Variants in SOX6 observed in about 807,000 individuals in gnomAD.
SOX6 encodes the protein transcription factor SOX-6.
Under a neutral mutation model 97.8 loss-of-function variants are expected in SOX6, and 11 were observed. The observed-to-expected ratio is 0.11, with a 90% CI of 0.07 to 0.19. The LOEUF (loss-of-function observed/expected upper bound fraction) is 0.19, where lower values mean the gene tolerates loss of function less well. Ranked by LOEUF, SOX6 falls within the 10% of genes least tolerant of loss-of-function variation. The pLI, the probability that SOX6 is intolerant of heterozygous loss-of-function variation, is 1.00. For missense variants in SOX6, 810 were observed against 1,039.5 expected, an observed-to-expected ratio of 0.78 and a Z score of 3.04; for synonymous variants, 360 against 371.4, an observed-to-expected ratio of 0.97 and a Z score of 0.35.
chr11:16,233,544 G>A (rs1852921652), intron 4 of SOX6, among the ~76,000 whole-genome samples: 1 of 152,070 alleles, frequency 6.6e-6, no homozygotes, highest in Non-Finnish European at 1.5e-5. Context: ...TGAAATTTGA[G>A]CTTTATCAAC....
chr11:16,045,568 G>C (rs79279319), intron 12 of SOX6, among the ~76,000 whole-genome samples: 1,551 of 152,240 alleles, frequency 0.01, 14 homozygotes, highest in Non-Finnish European at 0.018. Context: ...GGGTGTACCA[G>C]GTAATAATAA....
chr11:16,241,922 A>G (rs1235743074), intron 3 of SOX6, among the ~76,000 whole-genome samples: 1 of 152,076 alleles, frequency 6.6e-6, no homozygotes, highest in Admixed American at 6.6e-5. Context: ...AAAATAGATA[A>G]AACAGAATTT....
intron 9 of SOX6, among the ~76,000 whole-genome samples, chr11:16,056,701 T>C (rs1847823751): frequency 1.3e-5 from 2 of 152,308 alleles, no homozygotes; most frequent in African/African-American, 4.8e-5. Flanking sequence ...ATAGTTCTCT[T>C]TGGCAAACCA....
At chr11:15,996,246 C>T (rs960733503) in intron 13 of SOX6, among the ~76,000 whole-genome samples, 1 of 152,060 alleles carries the variant, frequency 6.6e-6, no homozygotes. Flanking sequence ...TGTTAAAGGT[C>T]GTAATATTTT....
At position 16,692,050 on chromosome 11, in the gene SOX6, C is replaced by CGT. The variant is rs1284200505; in HGVS notation, n.429+22778_429+22779dup. On this transcript the variant is annotated intron_variant and non_coding_transcript_variant, in intron 3 of 5. Transcript: ENST00000524520. ...TAGACTTCACTGAAGTTTTGATTTG[C>CGT]GTGTGCGTGTGTGTGTGTGTGTGTG... 8.0e-5 allele frequency among the ~76,000 whole-genome samples: 10 copies of CGT among 124,664 alleles called. 1 individual carries two copies. The highest frequency in any genetic ancestry group is 3.0e-4 in the African/African-American group (9 of 30,500). The allele number at this position is 124,664 out of a possible 152,430, so 81.8% of individuals were successfully genotyped here.
Position 15,972,912 on chromosome 11 carries a change from A to G in SOX6, c.2384T>C (p.Ile795Thr), listed in dbSNP as rs2119761706. The G allele has an allele frequency of 6.2e-7, 1 of 1,614,200 alleles. No individual in the cohort carries two copies. The highest frequency in any genetic ancestry group is 2.2e-5 in the East Asian group (1 of 44,884). ...CATTTCCATTTCATCCTCTCCATTGATCATTTCATTTCCAGCTAGGCTTCC... is the reference window on the plus strand; with the variant it reads ...CATTTCCATTTCATCCTCTCCATTGGTCATTTCATTTCCAGCTAGGCTTCC... The part of the protein sequence containing the change: ...DGGSLAGNEM[I>T]NGEDEMEMYD... Residue 795 changes from isoleucine to threonine, a missense_variant, in exon 16 of 16, where the codon ATC becomes ACC. By Grantham distance (89) the Ile-to-Thr change is moderately conservative. Coordinates refer to ENST00000683767, the MANE Select transcript of SOX6 (RefSeq NM_001367873.1).
chr11:16,547,581 A>T (rs1387440865), intron 4 of SOX6, among the ~76,000 whole-genome samples: 1 of 152,146 alleles, frequency 6.6e-6, no homozygotes, highest in Non-Finnish European at 1.5e-5. Context: ...CATACGTGAG[A>T]GCTAAAAGAG....
intron 12 of SOX6, among the ~76,000 whole-genome samples, chr11:16,024,065 G>A (rs1349823942): frequency 6.6e-6 from 1 of 152,094 alleles, no homozygotes; most frequent in Admixed American, 6.5e-5. Context: ...CTCTTAGGGT[G>A]GGTCCTAATC....
At chr11:16,474,334 C>T (rs1245414174) in intron 1 of SOX6, among the ~76,000 whole-genome samples, 1 of 152,148 alleles carries the variant, frequency 6.6e-6, no homozygotes, top group East Asian at 1.9e-4. Flanking sequence ...GTGACTCCTT[C>T]CTAGAAAGTT....
chr11:16,427,605 T>C (rs900671786), intron 1 of SOX6, among the ~76,000 whole-genome samples: 1 of 152,128 alleles, frequency 6.6e-6, no homozygotes, highest in Admixed American at 6.5e-5. Flanking sequence ...TTGCAATAGT[T>C]TGCTGAGAAT....
intron 2 of SOX6, among the ~76,000 whole-genome samples, chr11:16,326,835 G>A (rs1856109290): frequency 6.6e-6 from 1 of 152,206 alleles, no homozygotes; most frequent in South Asian, 2.1e-4. Flanking sequence ...TGAGGTTACA[G>A]TTAAGTCAGT....
At chr11:16,277,035 T>G (rs1390290887) in intron 3 of SOX6, among the ~76,000 whole-genome samples, 1 of 152,158 alleles carries the variant, frequency 6.6e-6, no homozygotes, top group East Asian at 1.9e-4. Flanking sequence ...CAAAGAACAC[T>G]TTAGTGGGAG....
intron 3 of SOX6, among the ~76,000 whole-genome samples, chr11:16,243,680 C>G (rs1226848222): frequency 6.6e-6 from 1 of 151,890 alleles, no homozygotes. Context: ...ATCATCCATG[C>G]TCCTGGACTC....
At chr11:16,495,654 C>A (rs548540436) in intron 4 of SOX6, among the ~76,000 whole-genome samples, 2 of 152,286 alleles carry the variant, frequency 1.3e-5, no homozygotes, top group South Asian at 4.1e-4. Flanking sequence ...AAGGTTGTTC[C>A]CCCACTGCTA....
At chr11:16,469,792 A>G (rs1313512922) in intron 1 of SOX6, among the ~76,000 whole-genome samples, 3 of 152,124 alleles carry the variant, frequency 2.0e-5, no homozygotes, top group Non-Finnish European at 4.4e-5. Context: ...TCAAAACTAC[A>G]GCAAATAAAA....
intron 3 of SOX6, among the ~76,000 whole-genome samples, chr11:16,685,152 T>TATATCATTC (rs1388122976): frequency 6.6e-6 from 1 of 152,092 alleles, no homozygotes; most frequent in Non-Finnish European, 1.5e-5. Flanking sequence ...ATATTCAAAC[T>TATATCATTC]ATATCATTCC....
chr11:16,663,428 T>A lies in SOX6; in HGVS notation n.430-51168A>T, dbSNP rs371500054. Reference sequence around the variant, plus strand: ...ACATCAAACTCCTGGGCTCAAGGGATCCTCCTGCTTCAGCCCCCCAAGTGG... The same window carrying A: ...ACATCAAACTCCTGGGCTCAAGGGAACCTCCTGCTTCAGCCCCCCAAGTGG... On this transcript the variant is annotated intron_variant and non_coding_transcript_variant, in intron 3 of 5. Coordinates refer to the SOX6 transcript ENST00000524520. Among the ~76,000 whole-genome samples the A allele has an allele frequency of 5.3e-4, 81 of 152,232 alleles. 1 individual carries two copies. The South Asian group carries it at 0.013, about 25-fold the overall frequency.
At chr11:16,677,643 T>C (rs1001807855) in intron 3 of SOX6, among the ~76,000 whole-genome samples, 16 of 152,210 alleles carry the variant, frequency 1.1e-4, no homozygotes, top group East Asian at 9.6e-4. Context: ...AATTTGTTTT[T>C]GTAAGGAGTA....
At chr11:16,552,121 C>T (rs1053879326) in intron 4 of SOX6, among the ~76,000 whole-genome samples, 1 of 151,898 alleles carries the variant, frequency 6.6e-6, no homozygotes, top group Admixed American at 6.6e-5. Flanking sequence ...TATAGTAATG[C>T]CTAAAATTTT....
Sources: gnomAD v4.1 joint callset for allele counts (sites outside exome capture counted in the v4.1 genomes callset) on GRCh38, gnomAD v4.1.1 for gene constraint, MANE v1.5 for transcripts, NCBI Gene and HGNC (gene_info 2026-07-23, HGNC 2026-07-21) for gene names.